TNK1: variants seen among roughly 807,000 people sequenced by gnomAD.
TNK1 encodes the protein tyrosine kinase non receptor 1, also known as non-receptor tyrosine-protein kinase TNK1.
TNK1 carries 53 observed loss-of-function variants against 65.2 expected under a neutral mutation model. That is an observed-to-expected ratio of 0.81 (90% confidence interval 0.65 to 1.02). The LOEUF (loss-of-function observed/expected upper bound fraction) is 1.02, where lower values mean the gene tolerates loss of function less well. Ranked by LOEUF, TNK1 falls within the 50% of genes least tolerant of loss-of-function variation. The pLI, the probability that TNK1 is intolerant of heterozygous loss-of-function variation, is 0.00. For missense variants in TNK1, 837 were observed against 878.4 expected (o/e 0.95, Z 0.60); for synonymous variants, 353 against 364.6 (o/e 0.97, Z 0.36).
At position 7,387,376 on chromosome 17, in the gene TNK1, A is replaced by G. The variant is rs7220814; in HGVS notation, c.1398-2A>G. ...AGGATGAACTGGATCCCTCTCCGAC[A>G]GAGACAGAAAGAAGGCAAATCTTTG... is the stretch of plus-strand genomic sequence containing the variant. On this transcript the variant is annotated splice_acceptor_variant, in intron 9 of 12. Coordinates refer to ENST00000688331, the MANE Select transcript of TNK1 (RefSeq NM_003985.6). LOFTEE classifies it high-confidence loss of function. 102,503 of 1,601,710 alleles carry G rather than the reference A, an allele frequency of 0.064. 4,141 individuals are homozygous for G. The highest frequency in any genetic ancestry group is 0.21 in the East Asian group (9,444 of 44,346).
intron 1 of TNK1, among the ~76,000 whole-genome samples, chr17:7,381,847 G>C (rs1483927234): frequency 6.6e-6 from 1 of 152,224 alleles, no homozygotes; most frequent in Non-Finnish European, 1.5e-5. Flanking sequence ...AGTGTATCTA[G>C]GTGTTTGGAG....
intron 7 of TNK1, among the ~76,000 whole-genome samples, chr17:7,385,364 C>A (rs867601657): frequency 4.4e-4 from 57 of 130,622 alleles, no homozygotes; most frequent in African/African-American, 5.6e-4. Context: ...AACTCCGTCT[C>A]AAAAAAAAAA....
chr17:7,386,507 T>C, intron 7 of TNK1, 54 bp from the exon 8 acceptor site: 1 of 1,398,850 alleles, frequency 7.1e-7, no homozygotes. Flanking sequence ...GCTCCCATAT[T>C]ACCTATCTGA....
Position 7,388,564 on chromosome 17 carries a change from C to T in TNK1, c.1636C>T (p.Gln546Ter). 1 of 1,614,008 alleles carries T rather than the reference C, an allele frequency of 6.2e-7. No homozygotes were observed. Among genetic ancestry groups the T allele is most frequent in the South Asian group, 1.1e-5 (1 of 91,086 alleles). Residue 546 changes from glutamine (Q) to a stop codon, truncating the protein, a stop_gained, in exon 11 of 13, where the codon CAG (glutamine) becomes TAG (stop). Coordinates refer to ENST00000688331, the MANE Select transcript of TNK1 (RefSeq NM_003985.6). LOFTEE classifies it high-confidence loss of function. This position sits in a 1 kb window ranked among gnomAD's most constrained non-coding sequence, Gnocchi z 4.5. ...ATCCTCTAGCTCTCCTCAGCCCAGC[C>T]AGCCCTCTAGGGAGAGGCTTCCCTG... ...PLSSSSPQPS[Q>*]PSRERLPWPK...
chr17:7,383,216 C>T (rs1367122583), intron 2 of TNK1, 34 bp from the exon 3 acceptor site: 4 of 1,613,910 alleles, frequency 2.5e-6, no homozygotes, highest in Non-Finnish European at 3.4e-6. Context: ...CCCACACCCA[C>T]CTCCACTCCA....
intron 7 of TNK1, among the ~76,000 whole-genome samples, chr17:7,385,960 T>G (rs1905160750): frequency 6.6e-6 from 1 of 151,578 alleles, no homozygotes; most frequent in Non-Finnish European, 1.5e-5. Flanking sequence ...AGTGGAGGAG[T>G]TGGGATTTGA....
Position 7,389,099 on chromosome 17 carries a change from G to T in TNK1, c.*15G>T. 3.9e-6 allele frequency: 6 copies of T among 1,543,924 alleles called. No homozygotes were observed. The highest frequency in any genetic ancestry group is 5.3e-6 in the Non-Finnish European group (6 of 1,140,300). On this transcript the variant is annotated 3_prime_UTR_variant, in exon 13 of 13. Coordinates refer to ENST00000688331, the MANE Select transcript of TNK1 (RefSeq NM_003985.6). ...CCAGGCCCTGAGCTCAGCTTCTGCG[G>T]GCACAGACACCAGCATGAAAAGCCT...
At chr17:7,385,723 C>T (rs12937133) in intron 7 of TNK1, among the ~76,000 whole-genome samples, 41,700 of 151,782 alleles carry the variant, frequency 0.27, 7,027 homozygotes, top group Non-Finnish European at 0.39. Flanking sequence ...TGCCACCACG[C>T]CTGGCTAATT....
At chr17:7,383,684 T>G in intron 4 of TNK1, 25 bp from the exon 5 acceptor site, 1 of 1,608,912 alleles carries the variant, frequency 6.2e-7, no homozygotes. Flanking sequence ...CCGCAATGCC[T>G]AAAGGCGCTT....
chr17:7,387,603 A>ATT (rs35318852), intron 10 of TNK1, 146 bp downstream of exon 10: 5,398 of 410,070 alleles, frequency 0.013, 33 homozygotes, highest in Admixed American at 0.029. Context: ...TGTGCAATCT[A>ATT]TTTTTTTTTT....
intron 10 of TNK1, 126 bp downstream of exon 10, chr17:7,387,583 C>T: frequency 1.3e-6 from 1 of 761,846 alleles, no homozygotes; most frequent in Middle Eastern, 2.4e-4. Flanking sequence ...TGCTGGCATC[C>T]TAGCTATACT....
rs1330486964 is a variant in TNK1 at position 7,387,114 on chromosome 17, A to T, written c.1357A>T (p.Thr453Ser). 1 of 1,603,324 alleles carries T rather than the reference A, an allele frequency of 6.2e-7. No homozygotes were observed. Among genetic ancestry groups the T allele is most frequent in the Admixed American group, 1.7e-5 (1 of 58,876 alleles). Residue 453 changes from threonine (T) to serine (S), a missense_variant, in exon 9 of 13, where the codon ACC becomes TCC. Thr to Ser is a moderately conservative substitution (Grantham distance 58). Transcript: ENST00000688331. ...LPATRPVHRG[T>S]PARGDQHPGS... ...AGCCACCCGTCCAGTCCACAGAGGC[A>T]CCCCTGCCCGGGGAGATCAACACCC...
In TNK1 at chr17:7,387,164, T is replaced by C. The variant is rs759930528; in HGVS notation, c.1397+10T>C. The stretch of plus-strand genomic sequence containing the variant: ...CAGGAAGCATAGATGGGTGAGGACC[T>C]GAAAGGGTGAGGGCAGGGGTTGGCT... On this transcript the variant is annotated intron_variant, in intron 9 of 12. Coordinates refer to ENST00000688331, the MANE Select transcript of TNK1 (RefSeq NM_003985.6). The C allele has an allele frequency of 1.3e-5, 20 of 1,568,246 alleles. No individual in the cohort carries two copies. The East Asian group carries it at 4.1e-4, about 32-fold the overall frequency.
At position 7,388,440 on chromosome 17, in the gene TNK1, C is replaced by T. The variant is rs141172370; in HGVS notation, c.1512C>T (p.Leu504=). The T allele has an allele frequency of 4.4e-5, 71 of 1,613,374 alleles. No individual in the cohort carries two copies. The East Asian group carries it at 1.1e-3, about 25-fold the overall frequency. The part of the protein sequence containing the change: ...ISRSLESVLS[L]GPRPTGGGSS... ...GGAGTCTGGAGTCAGTTCTGTCCCT[C>T]GGTCCTCGTCCCACAGGGGGTGGTT... The change falls in exon 11 of 13, where the codon CTC becomes CTT. Residue 504 remains leucine, a synonymous_variant. Transcript: ENST00000688331. The surrounding 1 kb of genome is among the most constrained non-coding windows in gnomAD (Gnocchi z 4.5).
At chr17:7,385,790 C>T (rs1905154699) in intron 7 of TNK1, among the ~76,000 whole-genome samples, 2 of 152,194 alleles carry the variant, frequency 1.3e-5, no homozygotes, top group Admixed American at 1.3e-4. Context: ...GTTTCGAACT[C>T]CTGACCTCAA....
In TNK1 at chr17:7,389,380, A is replaced by G; in HGVS notation, c.*296A>G. On this transcript the variant is annotated 3_prime_UTR_variant, in exon 13 of 13. Coordinates refer to ENST00000688331, the MANE Select transcript of TNK1 (RefSeq NM_003985.6). Reference sequence around the variant, plus strand: ...GAGGACTTGGAAGAAAAGAGCTGCTATACATCATATGCAGAGGAAGCTTCT... The same window carrying G: ...GAGGACTTGGAAGAAAAGAGCTGCTGTACATCATATGCAGAGGAAGCTTCT... 1 of 521,854 alleles carries G rather than the reference A, an allele frequency of 1.9e-6. No homozygotes were observed. Among genetic ancestry groups the G allele is most frequent in the Non-Finnish European group, 3.4e-6 (1 of 295,160 alleles). 32.3% of individuals were successfully genotyped at this position (521,854 alleles called of 1,614,324 possible). A position where few individuals can be genotyped will look rare whatever the true frequency, so the allele number is the denominator to read the frequency against.
At chr17:7,386,915 G>A in intron 8 of TNK1, 75 bp from the exon 9 acceptor site, 1 of 1,465,616 alleles carries the variant, frequency 6.8e-7, no homozygotes, top group Non-Finnish European at 9.1e-7. Context: ...AGCCTAGTGA[G>A]CTGACTGTGG....
Position 7,382,925 on chromosome 17 carries a change from A to T in TNK1, c.-2A>T. ...TCATCCTTAGGAACTCCTTCTCCAG[A>T]CATGCTTCCTGAGGCTGGCTCCCTG... On this transcript the variant is annotated 5_prime_UTR_variant, in exon 2 of 13. Coordinates refer to ENST00000688331, the MANE Select transcript of TNK1 (RefSeq NM_003985.6). This position sits in a 1 kb window ranked among gnomAD's most constrained non-coding sequence, Gnocchi z 4.1. 6.2e-7 allele frequency: 1 copy of T among 1,613,854 alleles called. No homozygotes were observed. Among genetic ancestry groups the T allele is most frequent in the African/African-American group, 1.3e-5 (1 of 75,034 alleles).
Position 7,383,601 on chromosome 17 carries a change from G to T in TNK1, c.411G>T (p.Leu137=), listed in dbSNP as rs1291139752. 1 of 1,602,290 alleles carries T rather than the reference G, an allele frequency of 6.2e-7. No individual in the cohort carries two copies. Among genetic ancestry groups the T allele is most frequent in the South Asian group, 1.1e-5 (1 of 89,570 alleles). The change falls in exon 4 of 13, where the codon CTG becomes CTT. Residue 137 remains leucine, a synonymous_variant. Transcript: ENST00000688331. ...TGGTGCACCGAGGGCTGTGGACGCT[G>T]CCCAGTGGCAAGAGTGTGAGTGTCC... ...FGVVHRGLWT[L]PSGKSVPVAV... is the part of the protein sequence containing the mutation.
Sources: gnomAD v4.1 joint callset for allele counts (sites outside exome capture counted in the v4.1 genomes callset) on GRCh38, gnomAD v4.1.1 for gene constraint, Gnocchi (gnomAD v3.1) non-coding constraint, MANE v1.5 for transcripts, NCBI Gene and HGNC (gene_info 2026-07-23, HGNC 2026-07-21) for gene names.